Variants in LRP11 observed in about 807,000 individuals in gnomAD.
LRP11 encodes the protein LDL receptor related protein 11.
A neutral mutation model predicts 43.1 loss-of-function variants in LRP11; 25 were observed. The observed-to-expected ratio is 0.58, with a 90% CI of 0.42 to 0.81. LRP11 has a LOEUF of 0.81. Ranked by LOEUF, LRP11 falls within the 30% of genes least tolerant of loss-of-function variation. The probability of loss-of-function intolerance (pLI) is 0.00; values close to 1 mark genes in which losing one functional copy is unlikely to be tolerated. For missense variants in LRP11, 623 were observed against 665.1 expected (o/e 0.94, Z 0.70); for synonymous variants, 316 against 299.4 (o/e 1.06, Z -0.57).
chr6:149,862,025 T>C (rs73779598), intron 1 of LRP11, among the ~76,000 whole-genome samples: 2,336 of 152,286 alleles, frequency 0.015, 46 homozygotes, highest in East Asian at 0.074. Context: ...AGAGAGGATG[T>C]GTGTGCAACA....
rs927381573 is a variant in LRP11 at position 149,820,303 on chromosome 6, G to T, written c.*246C>A. The T allele has an allele frequency of 3.0e-5, 10 of 329,926 alleles. No homozygotes were observed. Among genetic ancestry groups the T allele is most frequent in the Non-Finnish European group, 5.6e-5 (10 of 179,994 alleles). The allele number at this position is 329,926 out of a possible 1,614,324, so 20.4% of individuals were successfully genotyped here. On this transcript the variant is annotated 3_prime_UTR_variant, in exon 7 of 7. Transcript: ENST00000239367. ...GCTAAGTACACATTTCTATTTTCAG[G>T]GACAGCTTACATAAATCAGAATTAT...
chr6:149,863,922 T>C lies in LRP11; in HGVS notation c.99A>G (p.Pro33=), dbSNP rs1776988682. ...RGLLLLCLWL[P]SGRAALPPAA... is the part of the protein sequence containing the mutation. The stretch of plus-strand genomic sequence containing the variant: ...CGGGCGGCAAGGCCGCACGGCCGCT[T>C]GGCAGCCACAGGCAGAGCAGTAGCA... Residue 33 remains proline, a synonymous_variant, in exon 1 of 7, where the codon CCA becomes CCG. Transcript: ENST00000239367. The C allele has an allele frequency of 2.0e-5, 29 of 1,480,010 alleles. No homozygotes were observed. The highest frequency in any genetic ancestry group is 2.4e-5 in the Non-Finnish European group (27 of 1,122,688). The allele number at this position is 1,480,010 out of a possible 1,614,324, so 91.7% of individuals were successfully genotyped here. A position where few individuals can be genotyped will look rare whatever the true frequency, so the allele number is the denominator to read the frequency against.
chr6:149,842,456 C>T (rs1434800972), intron 3 of LRP11: 2 of 604,866 alleles, frequency 3.3e-6, no homozygotes, highest in East Asian at 2.8e-5. Flanking sequence ...AATACATTAT[C>T]ATTAACTATA....
chr6:149,821,074 G>A lies in LRP11; in HGVS notation c.1349-371C>T, dbSNP rs1262321689. ...GCCTCCCGAGTAGCTGGGATTACAG[G>A]TGCCTGCCACTGTGCCCAGCTAAAT... On this transcript the variant is annotated intron_variant, in intron 6 of 6. Transcript: ENST00000239367. Among the ~76,000 whole-genome samples, 7 of 151,886 alleles carry A rather than the reference G, an allele frequency of 4.6e-5. No individual in the cohort carries two copies. The South Asian group carries it at 1.3e-3, about 27-fold the overall frequency.
chr6:149,851,670 G>A (rs1047955925), intron 2 of LRP11, among the ~76,000 whole-genome samples: 2 of 152,238 alleles, frequency 1.3e-5, no homozygotes, highest in Non-Finnish European at 2.9e-5. Context: ...ATGATGTGAA[G>A]TAGTGAGCTT....
chr6:149,861,259 T>C (rs545061465), intron 1 of LRP11, among the ~76,000 whole-genome samples: 1 of 152,288 alleles, frequency 6.6e-6, no homozygotes, highest in East Asian at 1.9e-4. Context: ...GGAACAATTT[T>C]TGACCTCCAC....
At chr6:149,855,088 A>G (rs1776778792) in intron 1 of LRP11, among the ~76,000 whole-genome samples, 1 of 152,206 alleles carries the variant, frequency 6.6e-6, no homozygotes, top group East Asian at 1.9e-4. Flanking sequence ...AATGCCCAGC[A>G]CCAGGGTGTG....
intron 3 of LRP11, among the ~76,000 whole-genome samples, chr6:149,842,258 A>C (rs2115391372): frequency 6.6e-6 from 1 of 152,166 alleles, no homozygotes; most frequent in African/African-American, 2.4e-5. Context: ...TTGTTTTTTT[A>C]ATATGTATTT....
rs1359389406 is a variant in LRP11, at chr6:149,853,048, C to T, written c.726G>A (p.Gln242=). Residue 242 remains glutamine, a synonymous_variant, in exon 2 of 7, where the codon CAG becomes CAA. Transcript: ENST00000239367. ...RESTDDHAIV[Q]YEWALLQGDP... ...CCCCCTGCAGCAGTGCCCACTCATACTGGACGATGGCGTGGTCATCTGTGC... is the reference window on the plus strand; with the variant it reads ...CCCCCTGCAGCAGTGCCCACTCATATTGGACGATGGCGTGGTCATCTGTGC... 10 of 1,612,384 alleles carry T rather than the reference C, an allele frequency of 6.2e-6. No individual in the cohort carries two copies. Among genetic ancestry groups the T allele is most frequent in the South Asian group, 1.1e-5 (1 of 90,864 alleles).
intron 1 of LRP11, among the ~76,000 whole-genome samples, chr6:149,854,308 A>C (rs1776767003): frequency 6.6e-6 from 1 of 151,474 alleles, no homozygotes; most frequent in South Asian, 2.1e-4. Context: ...TTGTAGTGAG[A>C]GTTGCCCAGG....
At chr6:149,860,542 A>G (rs1396351772) in intron 1 of LRP11, among the ~76,000 whole-genome samples, 1 of 152,046 alleles carries the variant, frequency 6.6e-6, no homozygotes, top group Non-Finnish European at 1.5e-5. Flanking sequence ...CTCACAAAGC[A>G]TGTCCCCCCT....
chr6:149,858,236 T>A (rs1776832176), intron 1 of LRP11, among the ~76,000 whole-genome samples: 2 of 152,232 alleles, frequency 1.3e-5, no homozygotes, highest in South Asian at 4.2e-4. Context: ...TGTGTGATGT[T>A]CTCCTCCGTG....
In LRP11 at chr6:149,820,361, CTA is replaced by C. The variant is rs1776262555; in HGVS notation, c.*186_*187del. On this transcript the variant is annotated 3_prime_UTR_variant, in exon 7 of 7. Transcript: ENST00000239367. ...GGAATCTTTAATCATGAATTCCTCT[CTA>C]AATTTCAAAATATTTTATGACTTCT... The C allele has an allele frequency of 2.2e-6, 1 of 456,688 alleles. No individual in the cohort carries two copies. The highest frequency in any genetic ancestry group is 2.0e-5 in the African/African-American group (1 of 49,202). The allele number at this position is 456,688 out of a possible 1,614,324, so 28.3% of individuals were successfully genotyped here.
intron 1 of LRP11, 25 bp downstream of exon 1, chr6:149,863,383 G>A (rs1583103310): frequency 7.5e-7 from 1 of 1,332,458 alleles, no homozygotes; most frequent in Non-Finnish European, 9.6e-7. Context: ...TCTGGCCAAG[G>A]CCGGCCCCTC....
intron 2 of LRP11, among the ~76,000 whole-genome samples, chr6:149,845,623 A>G (rs773707498): frequency 3.4e-4 from 51 of 152,218 alleles, no homozygotes; most frequent in Non-Finnish European, 6.5e-4. Context: ...TCTAATGACA[A>G]TAAGAGAACT....
chr6:149,854,294 T>C (rs1186919487), intron 1 of LRP11, among the ~76,000 whole-genome samples: 1 of 151,808 alleles, frequency 6.6e-6, no homozygotes, highest in Non-Finnish European at 1.5e-5. Flanking sequence ...CTATTTTCAC[T>C]CTTTTGTAGT....
chr6:149,856,928 A>AATCCAT (rs1236430169), intron 1 of LRP11, among the ~76,000 whole-genome samples: 1 of 152,154 alleles, frequency 6.6e-6, no homozygotes, highest in Non-Finnish European at 1.5e-5. Context: ...ATGCGGTCAA[A>AATCCAT]ATCCATCATG....
intron 1 of LRP11, among the ~76,000 whole-genome samples, chr6:149,856,262 T>C (rs1776797509): frequency 6.6e-6 from 1 of 152,330 alleles, no homozygotes; most frequent in Middle Eastern, 3.4e-3. Context: ...TACAATTAAT[T>C]AATCCTACCT....
intron 6 of LRP11, 92 bp from the exon 7 acceptor site, chr6:149,820,795 A>G (rs2115367733): frequency 7.6e-6 from 5 of 655,744 alleles, no homozygotes; most frequent in African/African-American, 5.4e-5. Flanking sequence ...TGCATGCACT[A>G]TTTTATTTAA....
Sources: allele counts gnomAD v4.1 joint callset (sites outside exome capture counted in the v4.1 genomes callset), GRCh38; gene constraint gnomAD v4.1.1; transcripts MANE v1.5; gene names NCBI Gene and HGNC (gene_info 2026-07-23, HGNC 2026-07-21).